The following CPSF6 variants were observed in gnomAD, a reference collection of about 807,000 sequenced individuals.
The protein encoded by CPSF6 is cleavage and polyadenylation specificity factor subunit 6.
Under a neutral mutation model 56.7 loss-of-function variants are expected in CPSF6, and 10 were observed. That is an observed-to-expected ratio of 0.18 (90% CI 0.11 to 0.30). The LOEUF (loss-of-function observed/expected upper bound fraction) is 0.30. Ranked by LOEUF, CPSF6 falls within the 10% of genes least tolerant of loss-of-function variation. The pLI, the probability that CPSF6 is intolerant of heterozygous loss-of-function variation, is 1.00. For synonymous variants in CPSF6, 248 were observed against 244.8 expected, an observed-to-expected ratio of 1.01 and a Z score of -0.12; for missense variants, 419 against 722.9, an observed-to-expected ratio of 0.58 and a Z score of 4.82.
chr12:69,240,623 T>C (rs1056046383), intron 1 of CPSF6, among the ~76,000 whole-genome samples: 1 of 152,162 alleles, frequency 6.6e-6, no homozygotes, highest in African/African-American at 2.4e-5. Context: ...ATCCTTATGA[T>C]GTGGTTTAAA....
chr12:69,253,115 T>C lies in CPSF6; in HGVS notation c.335T>C (p.Ile112Thr), dbSNP rs766474344. ...TTGGGAGTAAATGATATTTTGGAGATAAAATTTTTTGAAAATCGGGCAAAT... is the reference window on the plus strand; with the variant it reads ...TTGGGAGTAAATGATATTTTGGAGACAAAATTTTTTGAAAATCGGGCAAAT... ...HSLGVNDILE[I>T]KFFENRANGQ... is the part of the protein sequence containing the mutation. The change falls in exon 3 of 10, where the codon ATA becomes ACA. Residue 112 changes from isoleucine to threonine, a missense_variant. Around this residue, in one of 4 missense-constraint regions of CPSF6, gnomAD observed 125 missense variants for 216.4 expected, o/e 0.58. Transcript: ENST00000435070. The C allele has an allele frequency of 6.2e-7, 1 of 1,602,862 alleles. No individual in the cohort carries two copies. Among genetic ancestry groups the C allele is most frequent in the East Asian group, 2.2e-5 (1 of 44,510 alleles).
Position 69,251,280 on chromosome 12 carries a change from ATGT to A in CPSF6, c.216_218del (p.Val73del). On this transcript the variant is annotated inframe_deletion, in exon 2 of 10. Coordinates refer to ENST00000435070, the MANE Select transcript of CPSF6 (RefSeq NM_007007.3). ...GATGTGGGTAAAGGAGCAGCACCAA[ATGT>A]TGTCTATACATATACTGGAAAGAGA... 1 of 1,605,914 alleles carries A rather than the reference ATGT, an allele frequency of 6.2e-7. No individual in the cohort carries two copies. The highest frequency in any genetic ancestry group is 8.5e-7 in the Non-Finnish European group (1 of 1,173,662).
chr12:69,248,696 TG>T (rs1872042941), intron 1 of CPSF6, among the ~76,000 whole-genome samples: 1 of 152,230 alleles, frequency 6.6e-6, no homozygotes, highest in Non-Finnish European at 1.5e-5. Flanking sequence ...CAGTGACTTG[TG>T]GTCTTAGTTT....
Position 69,273,362 on chromosome 12 carries a change from C to A in CPSF6, c.*3854C>A, listed in dbSNP as rs1028133862. 4 of 210,958 alleles carry A rather than the reference C, an allele frequency of 1.9e-5. No individual in the cohort carries two copies. Among genetic ancestry groups the A allele is most frequent in the Non-Finnish European group, 4.0e-5 (4 of 98,910 alleles). The allele number at this position is 210,958 out of a possible 1,614,324, so 13.1% of individuals were successfully genotyped here. A position where few individuals can be genotyped will look rare whatever the true frequency, so the allele number is the denominator to read the frequency against. ...GGACGTATAAATACTTGATTATATA[C>A]GACAGATTTTAATGTCTTTAAAGAC... On this transcript the variant is annotated 3_prime_UTR_variant, in exon 10 of 10. Coordinates refer to ENST00000435070, the MANE Select transcript of CPSF6 (RefSeq NM_007007.3).
chr12:69,243,436 T>G (rs1871727982), intron 1 of CPSF6, among the ~76,000 whole-genome samples: 1 of 152,254 alleles, frequency 6.6e-6, no homozygotes. Flanking sequence ...TTTGTGATCA[T>G]AGAGTGCTTT....
At position 69,257,849 on chromosome 12, in the gene CPSF6, G is replaced by T; in HGVS notation, c.638G>T (p.Gly213Val). Residue 213 changes from glycine to valine, a missense_variant, in exon 5 of 10, where the codon GGT becomes GTT. Around this residue, in one of 4 missense-constraint regions of CPSF6, gnomAD observed 211 missense variants for 296.0 expected, o/e 0.71. Coordinates refer to ENST00000435070, the MANE Select transcript of CPSF6 (RefSeq NM_007007.3). Reference sequence around the variant, plus strand: ...GGCCGTTTTCCAGGGGCTGTTCCTGGTGGGGACAGATTTCCTGGGCCAGCA... The same window carrying T: ...GGCCGTTTTCCAGGGGCTGTTCCTGTTGGGGACAGATTTCCTGGGCCAGCA... The part of the protein sequence containing the change: ...GRGRFPGAVP[G>V]GDRFPGPAGP... 6.2e-7 allele frequency: 1 copy of T among 1,610,512 alleles called. No individual in the cohort carries two copies. Among genetic ancestry groups the T allele is most frequent in the Non-Finnish European group, 8.5e-7 (1 of 1,178,966 alleles).
intron 1 of CPSF6, among the ~76,000 whole-genome samples, chr12:69,249,287 AAAAATT>A (rs1158618957): frequency 8.6e-5 from 12 of 139,762 alleles, no homozygotes; most frequent in African/African-American, 2.6e-4. Context: ...ATAAATAAAT[AAAAATT>A]AAAATTAAAA....
At chr12:69,269,268 ATTAAAT>A (rs894191207) in intron 9 of CPSF6, among the ~76,000 whole-genome samples, 64 of 151,992 alleles carry the variant, frequency 4.2e-4, no homozygotes, top group African/African-American at 1.5e-3. Flanking sequence ...TGCTTCAGTC[ATTAAAT>A]TTATAAGGCA....
chr12:69,239,569 G>A lies in CPSF6; in HGVS notation c.-78G>A, dbSNP rs1871478777. 6.7e-7 allele frequency: 1 copy of A among 1,490,230 alleles called. No individual in the cohort carries two copies. Among genetic ancestry groups the A allele is most frequent in the South Asian group, 1.3e-5 (1 of 77,654 alleles). The allele number at this position is 1,490,230 out of a possible 1,614,324, so 92.3% of individuals were successfully genotyped here. A position where few individuals can be genotyped will look rare whatever the true frequency, so the allele number is the denominator to read the frequency against. ...GTGACGCAAGCGCCCCCCCACCGCC[G>A]CTAGATCCGCTGCTGCTGCCGCGGC... On this transcript the variant is annotated 5_prime_UTR_variant, in exon 1 of 10. Coordinates refer to ENST00000435070, the MANE Select transcript of CPSF6 (RefSeq NM_007007.3).
intron 3 of CPSF6, among the ~76,000 whole-genome samples, chr12:69,254,005 A>C (rs566147136): frequency 6.6e-6 from 1 of 152,288 alleles, no homozygotes; most frequent in Admixed American, 6.5e-5. Context: ...GATTATACCA[A>C]TTTATACTAA....
rs979641548 is a variant in CPSF6 at position 69,272,051 on chromosome 12, G to A, written c.*2543G>A. On this transcript the variant is annotated 3_prime_UTR_variant, in exon 10 of 10. Transcript: ENST00000435070. ...TAAACAGATGAGTGATACAGTACCT[G>A]AATGGTACTGCTTCTGAGGCAACAC... is the stretch of plus-strand genomic sequence containing the variant. 4 of 151,626 alleles carry A rather than the reference G, an allele frequency of 2.6e-5. No individual in the cohort carries two copies. Among genetic ancestry groups the A allele is most frequent in the South Asian group, 2.1e-4 (1 of 4,822 alleles). 9.4% of individuals were successfully genotyped at this position (151,626 alleles called of 1,614,324 possible).
chr12:69,257,761 G>C lies in CPSF6; in HGVS notation c.550G>C (p.Gly184Arg). 1 of 1,612,424 alleles carries C rather than the reference G, an allele frequency of 6.2e-7. No homozygotes were observed. The highest frequency in any genetic ancestry group is 8.5e-7 in the Non-Finnish European group (1 of 1,179,670). ...TTQSGQMSGE[G>R]KAGPPGGSSR... ...ACAATCAGGACAAATGTCTGGGGAA[G>C]GTAAAGCTGGTCCTCCAGGAGGCAG... Residue 184 changes from glycine to arginine, a missense_variant, in exon 5 of 10, where the codon GGT (glycine) becomes CGT (arginine). By Grantham distance (125) the Gly-to-Arg change is moderately radical. Coordinates refer to ENST00000435070, the MANE Select transcript of CPSF6 (RefSeq NM_007007.3).
chr12:69,273,923 CT>C lies in CPSF6; in HGVS notation c.*4417del, dbSNP rs958112620. On this transcript the variant is annotated 3_prime_UTR_variant, in exon 10 of 10. Coordinates refer to ENST00000435070, the MANE Select transcript of CPSF6 (RefSeq NM_007007.3). ...GTTTTACAATTTTTAATGGAAAGCC[CT>C]TAACAACAACAACAAAAAATTGTAT... 6.6e-6 allele frequency: 1 copy of C among 151,798 alleles called. No individual in the cohort carries two copies. The highest frequency in any genetic ancestry group is 2.4e-5 in the African/African-American group (1 of 41,370). The allele number at this position is 151,798 out of a possible 1,614,324, so 9.4% of individuals were successfully genotyped here. A position where few individuals can be genotyped will look rare whatever the true frequency, so the allele number is the denominator to read the frequency against.
Position 69,249,152 on chromosome 12 carries a change from C to CGGTGG in CPSF6, c.61-1975_61-1974insTGGGG, listed in dbSNP as rs1491257320. Reference sequence around the variant, plus strand: ...GCGGGCGCCTGTAGTCCCAGCTACTCGGGGGGGGGGGGGGGGGCTGAGGCA... The same window carrying CGGTGG: ...GCGGGCGCCTGTAGTCCCAGCTACTCGGTGGGGGGGGGGGGGGGGGGGCTGAGGCA... On this transcript the variant is annotated intron_variant, in intron 1 of 9. Transcript: ENST00000435070. 5.6e-3 allele frequency among the ~76,000 whole-genome samples: 93 copies of CGGTGG among 16,590 alleles called. 28 individuals carry two copies. Among genetic ancestry groups the CGGTGG allele is most frequent in the African/African-American group, 0.01 (28 of 2,778 alleles). The allele number at this position is 16,590 out of a possible 152,430, so 10.9% of individuals were successfully genotyped here. A position where few individuals can be genotyped will look rare whatever the true frequency, so the allele number is the denominator to read the frequency against.
chr12:69,246,647 A>G (rs112759527), intron 1 of CPSF6, among the ~76,000 whole-genome samples: 1 of 152,204 alleles, frequency 6.6e-6, no homozygotes, highest in South Asian at 2.1e-4. Flanking sequence ...GTTATCTGCT[A>G]TTGGATTTTG....
chr12:69,265,249 C>T (rs972526502), intron 9 of CPSF6, among the ~76,000 whole-genome samples: 3 of 152,126 alleles, frequency 2.0e-5, no homozygotes, highest in African/African-American at 7.2e-5. Context: ...GCTTCATATT[C>T]TGTAATTTCT....
intron 1 of CPSF6, among the ~76,000 whole-genome samples, chr12:69,240,139 G>GCCGCCGCCCCTTCC (rs1418799737): frequency 3.3e-5 from 5 of 151,506 alleles, no homozygotes; most frequent in Admixed American, 6.6e-5. Context: ...CGTGCCCGCC[G>GCCGCCGCCCCTTCC]CCGCCGCCCC....
At chr12:69,250,327 G>T (rs1281963958) in intron 1 of CPSF6, among the ~76,000 whole-genome samples, 2 of 151,728 alleles carry the variant, frequency 1.3e-5, no homozygotes, top group African/African-American at 4.8e-5. Context: ...TTGTCTATTT[G>T]CATTTGTGTG....
rs1729511499 is a variant in CPSF6, at chr12:69,269,966, T to C, written c.*458T>C. On this transcript the variant is annotated 3_prime_UTR_variant, in exon 10 of 10. Coordinates refer to ENST00000435070, the MANE Select transcript of CPSF6 (RefSeq NM_007007.3). ...TGATGTGTAAAGCTGTTCAAGTTAT[T>C]TGATGTTTACACCTCAGGGAAAGTC... is the stretch of plus-strand genomic sequence containing the variant. The C allele has an allele frequency of 6.5e-6, 1 of 152,920 alleles. No homozygotes were observed. Among genetic ancestry groups the C allele is most frequent in the African/African-American group, 2.4e-5 (1 of 41,422 alleles). The allele number at this position is 152,920 out of a possible 1,614,324, so 9.5% of individuals were successfully genotyped here. A position where few individuals can be genotyped will look rare whatever the true frequency, so the allele number is the denominator to read the frequency against.
Sources: allele counts gnomAD v4.1 joint callset (sites outside exome capture counted in the v4.1 genomes callset), GRCh38; gene constraint gnomAD v4.1.1; regional missense constraint gnomAD v4.1.1; transcripts MANE v1.5; gene names NCBI Gene and HGNC (gene_info 2026-07-23, HGNC 2026-07-21).